The following NPNT variants were observed in gnomAD, a reference collection of about 807,000 sequenced individuals.
The protein encoded by NPNT is preosteoblast EGF-like repeat protein with MAM domain.
Under a neutral mutation model 68.6 loss-of-function variants are expected in NPNT, and 45 were observed. The observed-to-expected ratio is 0.66, with a 90% CI of 0.52 to 0.84. NPNT has a LOEUF of 0.84. NPNT is among the 40% of genes least tolerant of loss of function. The pLI is 0.00. For missense variants in NPNT, 672 were observed against 714.8 expected, an observed-to-expected ratio of 0.94 and a Z score of 0.68; for synonymous variants, 233 against 253.3, an observed-to-expected ratio of 0.92 and a Z score of 0.76.
chr4:105,926,868 A>G (rs1728719915), intron 2 of NPNT, among the ~76,000 whole-genome samples: 1 of 152,214 alleles, frequency 6.6e-6, no homozygotes, highest in Non-Finnish European at 1.5e-5. Context: ...GAATCCTTTC[A>G]TACTTAGGAA....
At position 105,969,117 on chromosome 4, in the gene NPNT, A is replaced by G. The variant is rs1732394542; in HGVS notation, c.*127A>G. 3.3e-6 allele frequency: 2 copies of G among 612,994 alleles called. No homozygotes were observed. Among genetic ancestry groups the G allele is most frequent in the South Asian group, 2.5e-5 (1 of 40,522 alleles). 38.0% of individuals were successfully genotyped at this position (612,994 alleles called of 1,614,324 possible). ...GGGTCAGTGGGTCAGAAGGAAGTCT[A>G]TTTGGTGACCCAGGTTTTTCTGGCC... On this transcript the variant is annotated 3_prime_UTR_variant, in exon 12 of 12. Transcript: ENST00000379987.
At chr4:105,945,063 T>C (rs1730272384) in intron 8 of NPNT, among the ~76,000 whole-genome samples, 1 of 152,210 alleles carries the variant, frequency 6.6e-6, no homozygotes, top group Non-Finnish European at 1.5e-5. Context: ...CATAAATTTT[T>C]AGGTGATGTT....
In NPNT at chr4:105,969,074, C is replaced by T. The variant is rs867612042; in HGVS notation, c.*84C>T. On this transcript the variant is annotated 3_prime_UTR_variant, in exon 12 of 12. Coordinates refer to ENST00000379987, the MANE Select transcript of NPNT (RefSeq NM_001033047.3). ...TCTTCTCTCCTCTTCTCCCTTTTAT[C>T]AGGCCTAGGAGAAGAGTGGGTCAGT... 4.3e-6 allele frequency: 4 copies of T among 928,228 alleles called. No homozygotes were observed. The highest frequency in any genetic ancestry group is 6.7e-6 in the Non-Finnish European group (4 of 596,078). 57.5% of individuals were successfully genotyped at this position (928,228 alleles called of 1,614,324 possible). A position where few individuals can be genotyped will look rare whatever the true frequency, so the allele number is the denominator to read the frequency against.
Position 105,937,062 on chromosome 4 carries a change from A to G in NPNT, c.319A>G (p.Thr107Ala), listed in dbSNP as rs1477658228. 3.7e-6 allele frequency: 6 copies of G among 1,613,748 alleles called. 1 individual carries two copies. The South Asian group carries it at 5.5e-5, about 15-fold the overall frequency. Residue 107 changes from threonine (T) to alanine (A), a missense_variant, in exon 4 of 12, where the codon ACT (threonine) becomes GCT (alanine). By Grantham distance (58) the Thr-to-Ala change is moderately conservative. Transcript: ENST00000379987. ...PRPCKHRCMN[T>A]YGSYKCYCLN... The stretch of plus-strand genomic sequence containing the variant: ...GCCCTGTAAGCACAGGTGCATGAAC[A>G]CTTACGGCAGCTACAAGTGCTACTG...
intron 2 of NPNT, among the ~76,000 whole-genome samples, chr4:105,913,247 A>T (rs2149333976): frequency 6.6e-6 from 1 of 152,364 alleles, no homozygotes; most frequent in Admixed American, 6.5e-5. Context: ...AATAAAAAAA[A>T]TATTTGGGAA....
intron 8 of NPNT, among the ~76,000 whole-genome samples, chr4:105,955,699 TG>T (rs775752436): frequency 2.3e-4 from 35 of 151,856 alleles, no homozygotes; most frequent in Non-Finnish European, 4.4e-4. Context: ...CCTTTTTTTT[TG>T]GTTTGTTTTT....
intron 2 of NPNT, among the ~76,000 whole-genome samples, chr4:105,915,067 G>A (rs1727690903): frequency 6.6e-6 from 1 of 152,206 alleles, no homozygotes; most frequent in South Asian, 2.1e-4. Context: ...TTTGCTTGGA[G>A]TGTTTGTAGT....
At chr4:105,914,491 A>G (rs998690689) in intron 2 of NPNT, among the ~76,000 whole-genome samples, 4 of 141,642 alleles carry the variant, frequency 2.8e-5, no homozygotes, top group African/African-American at 1.1e-4. Context: ...AGAGAGAGAG[A>G]TAATGGAGAG....
chr4:105,898,015 C>G lies in NPNT; in HGVS notation c.172+14C>G, dbSNP rs772115721. 1 of 1,559,964 alleles carries G rather than the reference C, an allele frequency of 6.4e-7. No individual in the cohort carries two copies. Among genetic ancestry groups the G allele is most frequent in the Admixed American group, 1.9e-5 (1 of 52,000 alleles). ...GACAGTGTCAGCGTGAGTATCAAGCCTGGGGACTTCAGTTCCCTGGGAGGT... is the reference window on the plus strand; with the variant it reads ...GACAGTGTCAGCGTGAGTATCAAGCGTGGGGACTTCAGTTCCCTGGGAGGT... On this transcript the variant is annotated intron_variant, in intron 2 of 11. Coordinates refer to ENST00000379987, the MANE Select transcript of NPNT (RefSeq NM_001033047.3).
chr4:105,899,771 T>C (rs977374842), intron 2 of NPNT, among the ~76,000 whole-genome samples: 1 of 152,218 alleles, frequency 6.6e-6, no homozygotes, highest in African/African-American at 2.4e-5. Context: ...TTGTAAAAAT[T>C]AGCTCAAAGG....
chr4:105,923,134 T>C (rs1405578613), intron 2 of NPNT, among the ~76,000 whole-genome samples: 4 of 152,216 alleles, frequency 2.6e-5, no homozygotes, highest in Non-Finnish European at 5.9e-5. Context: ...GATGACCTAC[T>C]ATTCACAGAG....
At chr4:105,913,090 C>T (rs369535183) in intron 2 of NPNT, among the ~76,000 whole-genome samples, 1 of 152,158 alleles carries the variant, frequency 6.6e-6, no homozygotes, top group East Asian at 1.9e-4. Context: ...TGGTCTTGAA[C>T]TCCTGACCTC....
chr4:105,940,809 A>G (rs1729886981), intron 7 of NPNT, among the ~76,000 whole-genome samples, 173 bp downstream of exon 7: 1 of 152,214 alleles, frequency 6.6e-6, no homozygotes, highest in African/African-American at 2.4e-5. Flanking sequence ...AGGTACTTGT[A>G]AAAACTAAGG....
intron 2 of NPNT, among the ~76,000 whole-genome samples, chr4:105,917,739 G>A (rs555425595): frequency 2.0e-5 from 3 of 152,128 alleles, no homozygotes; most frequent in Non-Finnish European, 4.4e-5. Flanking sequence ...GCAGACAAGA[G>A]GGGGAATGGC....
chr4:105,942,187 A>T lies in NPNT; in HGVS notation c.764-120A>T, dbSNP rs183671331. On this transcript the variant is annotated intron_variant, in intron 7 of 11. Coordinates refer to ENST00000379987, the MANE Select transcript of NPNT (RefSeq NM_001033047.3). ...AAAATAGTATGACTTACAGTAGGTA[A>T]TATTCTAAATGTGAAAAATGATACC... The T allele has an allele frequency of 1.7e-3, 1,131 of 669,530 alleles. 3 individuals are homozygous for T. The highest frequency in any genetic ancestry group is 2.4e-3 in the Non-Finnish European group (944 of 395,386). The allele number at this position is 669,530 out of a possible 1,614,324, so 41.5% of individuals were successfully genotyped here.
At chr4:105,940,924 T>G (rs1209801907) in intron 7 of NPNT, among the ~76,000 whole-genome samples, 3 of 152,174 alleles carry the variant, frequency 2.0e-5, no homozygotes, top group African/African-American at 7.2e-5. Flanking sequence ...TCCCTGAGAA[T>G]TTGCTTTTGT....
chr4:105,940,294 G>C, intron 6 of NPNT, 85 bp downstream of exon 6: 2 of 1,392,164 alleles, frequency 1.4e-6, no homozygotes, highest in Non-Finnish European at 1.0e-6. Context: ...TGGAATGTCA[G>C]GGGCAGGGGA....
At chr4:105,967,112 T>TA in intron 10 of NPNT, 76 bp from the exon 11 acceptor site, 1 of 1,259,434 alleles carries the variant, frequency 7.9e-7, no homozygotes, top group Non-Finnish European at 1.1e-6. Flanking sequence ...AAAAAAAAAC[T>TA]AAAACTCCTG....
intron 11 of NPNT, among the ~76,000 whole-genome samples, chr4:105,967,845 C>G (rs560537407): frequency 6.6e-6 from 1 of 151,884 alleles, no homozygotes; most frequent in South Asian, 2.1e-4. Flanking sequence ...CATAAATTAC[C>G]CAGGAGATGG....
Sources: allele counts gnomAD v4.1 joint callset (sites outside exome capture counted in the v4.1 genomes callset), GRCh38; gene constraint gnomAD v4.1.1; transcripts MANE v1.5; gene names NCBI Gene and HGNC (gene_info 2026-07-23, HGNC 2026-07-21).